The following GRHL2 variants were observed in gnomAD, a reference collection of about 807,000 sequenced individuals.
GRHL2 encodes the protein grainyhead-like protein 2 homolog.
GRHL2 carries 21 observed loss-of-function variants against 83.8 expected under a neutral mutation model. That is an observed-to-expected ratio of 0.25 (90% confidence interval 0.18 to 0.36). GRHL2 has a LOEUF of 0.36. Ranked by LOEUF, GRHL2 falls within the 10% of genes least tolerant of loss-of-function variation. The pLI is 1.00. For missense variants in GRHL2, 623 were observed against 781.8 expected, an observed-to-expected ratio of 0.80 and a Z score of 2.42; for synonymous variants, 280 against 278.9, an observed-to-expected ratio of 1.00 and a Z score of -0.04.
chr8:101,613,837 T>C (rs1374324570), intron 8 of GRHL2, among the ~76,000 whole-genome samples: 2 of 151,144 alleles, frequency 1.3e-5, no homozygotes, highest in Non-Finnish European at 2.9e-5. Context: ...CTGTGCAATT[T>C]CTTGGAAAAG....
Position 101,587,766 on chromosome 8 carries a change from T to A in GRHL2, c.1003+10247T>A, listed in dbSNP as rs368716417. Among the ~76,000 whole-genome samples the A allele has an allele frequency of 3.9e-5, 6 of 152,284 alleles. No individual in the cohort carries two copies. In the East Asian group the frequency reaches 5.8e-4, roughly 15 times the overall value. The stretch of plus-strand genomic sequence containing the variant: ...CCAAAAAAAAACCTAGAGATACAAT[T>A]AGATAGTTCATGAAATCATATGTTT... On this transcript the variant is annotated intron_variant, in intron 7 of 15. Transcript: ENST00000646743.
chr8:101,502,805 TCTC>T (rs1383097583), intron 1 of GRHL2, among the ~76,000 whole-genome samples: 2 of 152,050 alleles, frequency 1.3e-5, no homozygotes, highest in East Asian at 1.9e-4. Context: ...TCCTCTTTCT[TCTC>T]CTTCTCTTCT....
chr8:101,493,662 A>G (rs975175080), intron 1 of GRHL2, among the ~76,000 whole-genome samples: 1 of 151,766 alleles, frequency 6.6e-6, no homozygotes, highest in African/African-American at 2.4e-5. Context: ...GCCACCTCGG[A>G]CGCGGCAGGC....
intron 14 of GRHL2, among the ~76,000 whole-genome samples, chr8:101,652,478 GGTA>G (rs1813673852): frequency 9.4e-4 from 41 of 43,440 alleles, no homozygotes; most frequent in Non-Finnish European, 1.3e-3. Context: ...GTGTGTGTGT[GGTA>G]TGTGTGTATG....
intron 14 of GRHL2, among the ~76,000 whole-genome samples, chr8:101,652,331 G>A (rs867250519): frequency 1.3e-5 from 1 of 79,754 alleles, no homozygotes; most frequent in Non-Finnish European, 2.2e-5. Flanking sequence ...TGTGTGTGTG[G>A]TGTGTGTGTA....
chr8:101,660,865 G>C (rs774991326), intron 14 of GRHL2, among the ~76,000 whole-genome samples: 11 of 152,226 alleles, frequency 7.2e-5, no homozygotes, highest in Non-Finnish European at 5.9e-5. Flanking sequence ...AAATTAGCCA[G>C]TTGAAATGCC....
Position 101,639,606 on chromosome 8 carries a change from G to A in GRHL2, c.1517+2678G>A, listed in dbSNP as rs191506361. Among the ~76,000 whole-genome samples, 452 of 152,342 alleles carry A rather than the reference G, an allele frequency of 3.0e-3. 1 individual carries two copies. The highest frequency in any genetic ancestry group is 9.9e-3 in the African/African-American group (413 of 41,586). On this transcript the variant is annotated intron_variant, in intron 12 of 15. Coordinates refer to ENST00000646743, the MANE Select transcript of GRHL2 (RefSeq NM_024915.4). The stretch of plus-strand genomic sequence containing the variant: ...GTGTAACCCTCTTAATTCTTGACCT[G>A]TGGCTATAAAGTATGTATTGAGAGA...
intron 14 of GRHL2, among the ~76,000 whole-genome samples, chr8:101,661,163 T>A (rs1359571384): frequency 1.3e-5 from 2 of 152,204 alleles, no homozygotes; most frequent in Admixed American, 6.5e-5. Context: ...GTCCATCAGC[T>A]ATCATTAGTG....
At chr8:101,653,317 A>T (rs1270985723) in intron 14 of GRHL2, among the ~76,000 whole-genome samples, 1 of 152,186 alleles carries the variant, frequency 6.6e-6, no homozygotes, top group Non-Finnish European at 1.5e-5. Flanking sequence ...AAAAGGGAAA[A>T]ACCTTAACTT....
intron 1 of GRHL2, among the ~76,000 whole-genome samples, chr8:101,523,019 C>T (rs888969017): frequency 5.3e-5 from 8 of 151,780 alleles, no homozygotes; most frequent in East Asian, 1.9e-4. Flanking sequence ...AAGTGATTCT[C>T]GTGTCTCAGC....
At chr8:101,518,569 C>T (rs1243001148) in intron 1 of GRHL2, among the ~76,000 whole-genome samples, 4 of 152,182 alleles carry the variant, frequency 2.6e-5, no homozygotes, top group Non-Finnish European at 4.4e-5. Flanking sequence ...AACCATTCTG[C>T]AGTGCCTGGT....
chr8:101,534,779 A>G (rs182945795), intron 1 of GRHL2, among the ~76,000 whole-genome samples: 31 of 152,336 alleles, frequency 2.0e-4, no homozygotes, highest in African/African-American at 7.5e-4. Context: ...ATGAGGAATC[A>G]AGTATGACTT....
chr8:101,511,745 T>A, intron 1 of GRHL2, among the ~76,000 whole-genome samples: 1 of 152,120 alleles, frequency 6.6e-6, no homozygotes, highest in East Asian at 1.9e-4. Flanking sequence ...TACAGACAAC[T>A]TTTCCCCCAA....
At chr8:101,535,235 T>A (rs1310614148) in intron 1 of GRHL2, among the ~76,000 whole-genome samples, 6 of 152,170 alleles carry the variant, frequency 3.9e-5, no homozygotes, top group Non-Finnish European at 8.8e-5. Context: ...ACACTTTAGA[T>A]GTAAGAGCCT....
Position 101,669,254 on chromosome 8 carries a change from C to CTTTTTTTTTCTTT in GRHL2, c.*2560_*2561insCTTTTTTTTTTTT, listed in dbSNP as rs1554599119. The CTTTTTTTTTCTTT allele has an allele frequency of 7.9e-5, 10 of 126,642 alleles. 1 individual carries two copies. In the South Asian group the frequency reaches 9.9e-4, roughly 13 times the overall value. 7.8% of individuals were successfully genotyped at this position (126,642 alleles called of 1,614,324 possible). On this transcript the variant is annotated 3_prime_UTR_variant, in exon 16 of 16. Transcript: ENST00000646743. ...GGACATGTGAAATGAGCATTTTTTT[C>CTTTTTTTTTCTTT]TTTTTTTTTTTTAACAAAGTCTGAA...
At chr8:101,618,595 TG>T (rs1184795722) in intron 8 of GRHL2, among the ~76,000 whole-genome samples, 3 of 152,052 alleles carry the variant, frequency 2.0e-5, no homozygotes, top group Non-Finnish European at 4.4e-5. Context: ...AGCTGGTTAA[TG>T]TTACAGCTGG....
intron 6 of GRHL2, 111 bp downstream of exon 6, chr8:101,573,935 A>C: frequency 8.2e-7 from 1 of 1,220,222 alleles, no homozygotes; most frequent in Non-Finnish European, 1.2e-6. Flanking sequence ...AACATAAATA[A>C]TTCTAGAACG....
chr8:101,618,949 G>C (rs1221973026), intron 8 of GRHL2, among the ~76,000 whole-genome samples: 2 of 151,984 alleles, frequency 1.3e-5, no homozygotes, highest in African/African-American at 4.8e-5. Flanking sequence ...CACTTATGCA[G>C]GTTTAAAAAA....
At chr8:101,570,692 C>G (rs1167554393) in intron 5 of GRHL2, among the ~76,000 whole-genome samples, 1 of 152,064 alleles carries the variant, frequency 6.6e-6, no homozygotes, top group Non-Finnish European at 1.5e-5. Flanking sequence ...AATATGAAGC[C>G]CCATCTTTTT....
Sources: gnomAD v4.1 joint callset for allele counts (sites outside exome capture counted in the v4.1 genomes callset) on GRCh38, gnomAD v4.1.1 for gene constraint, MANE v1.5 for transcripts, NCBI Gene and HGNC (gene_info 2026-07-23, HGNC 2026-07-21) for gene names.